The following SLC6A17 variants were observed in gnomAD, a reference collection of about 807,000 sequenced individuals.
The protein encoded by SLC6A17 is sodium-dependent neutral amino acid transporter SLC6A17.
In SLC6A17, 21 loss-of-function variants were observed where a neutral mutation model predicts 64.5. The observed-to-expected ratio is 0.33, with a 90% CI of 0.23 to 0.47. The LOEUF (loss-of-function observed/expected upper bound fraction) is 0.47. SLC6A17 is among the 20% of genes least tolerant of loss of function. The probability of loss-of-function intolerance (pLI) is 1.00; values close to 1 mark genes in which losing one functional copy is unlikely to be tolerated. For missense variants in SLC6A17, 682 were observed against 963.2 expected (o/e 0.71, Z 3.86); for synonymous variants, 372 against 399.5 (o/e 0.93, Z 0.82).
In SLC6A17 at chr1:110,167,027, A is replaced by C; in HGVS notation, c.98A>C (p.Tyr33Ser). The C allele has an allele frequency of 1.2e-6, 2 of 1,613,048 alleles. No homozygotes were observed. Among genetic ancestry groups the C allele is most frequent in the Non-Finnish European group, 1.7e-6 (2 of 1,179,586 alleles). Residue 33 changes from tyrosine to serine, a missense_variant, in exon 2 of 12, where the codon TAT becomes TCT. Coordinates refer to ENST00000331565, the MANE Select transcript of SLC6A17 (RefSeq NM_001010898.4). ...CTGGCCCTCGAGGAGCCTGTGGACTATAAGCAGAGTGTACTGAATGTGGCT... is the reference window on the plus strand; with the variant it reads ...CTGGCCCTCGAGGAGCCTGTGGACTCTAAGCAGAGTGTACTGAATGTGGCT... ...DLLALEEPVDYKQSVLNVAGE... is the reference protein window; with the variant it reads ...DLLALEEPVDSKQSVLNVAGE...
chr1:110,162,540 C>T (rs1655941319), intron 1 of SLC6A17, among the ~76,000 whole-genome samples: 1 of 152,180 alleles, frequency 6.6e-6, no homozygotes, highest in Non-Finnish European at 1.5e-5. Flanking sequence ...ATGGCTGGTT[C>T]CATGAGATAC....
intron 10 of SLC6A17, 132 bp downstream of exon 10, chr1:110,195,877 G>A: frequency 5.3e-6 from 7 of 1,330,756 alleles, no homozygotes; most frequent in Admixed American, 4.4e-5. Flanking sequence ...GGAAACTGAG[G>A]TGTAGTGCAA....
At chr1:110,190,775 G>A (rs982262053) in intron 6 of SLC6A17, among the ~76,000 whole-genome samples, 23 of 152,016 alleles carry the variant, frequency 1.5e-4, no homozygotes, top group African/African-American at 4.4e-4. Context: ...AAGGTCACAG[G>A]GGAAAATGCT....
intron 6 of SLC6A17, among the ~76,000 whole-genome samples, chr1:110,183,585 C>T (rs954639366): frequency 2.6e-5 from 4 of 152,056 alleles, no homozygotes; most frequent in African/African-American, 4.8e-5. Flanking sequence ...ACGCTAAAAA[C>T]GATTGAATTG....
In SLC6A17 at chr1:110,197,556, T is replaced by G. The variant is rs1657003107; in HGVS notation, c.1772T>G (p.Leu591Arg). 1 of 1,611,998 alleles carries G rather than the reference T, an allele frequency of 6.2e-7. No individual in the cohort carries two copies. The highest frequency in any genetic ancestry group is 1.3e-5 in the African/African-American group (1 of 74,796). Reference protein sequence around the residue: ...AVLTTASIIQLGVTPPGYSAW... With the variant: ...AVLTTASIIQRGVTPPGYSAW... ...CTCACCACAGCCAGCATCATCCAGC[T>G]GGGGGTCACGCCCCCGGGCTACAGC... Residue 591 changes from leucine to arginine, a missense_variant, in exon 11 of 12, where the codon CTG (leucine) becomes CGG (arginine). This residue lies in a region of SLC6A17 where 264 missense variants were observed against 339.5 expected (regional missense o/e 0.78). Coordinates refer to ENST00000331565, the MANE Select transcript of SLC6A17 (RefSeq NM_001010898.4).
rs1023588509 is a variant in SLC6A17 at position 110,162,462 on chromosome 1, C to T, written c.-87-4381C>T. On this transcript the variant is annotated intron_variant, in intron 1 of 11. Transcript: ENST00000331565. The stretch of plus-strand genomic sequence containing the variant: ...AAACTGAGATCCGGAGAAGTTAGGG[C>T]AATAGTACCAGTTTGCACGGTAGGT... Among the ~76,000 whole-genome samples, 36 of 152,210 alleles carry T rather than the reference C, an allele frequency of 2.4e-4. 1 individual carries two copies. The highest frequency in any genetic ancestry group is 1.5e-5 in the Non-Finnish European group (1 of 68,032).
chr1:110,186,243 C>T (rs1411850541), intron 6 of SLC6A17, among the ~76,000 whole-genome samples: 1 of 152,012 alleles, frequency 6.6e-6, no homozygotes, highest in Non-Finnish European at 1.5e-5. Context: ...GTGGTATCCT[C>T]CCAGGAGTGG....
In SLC6A17 at chr1:110,198,130, CTCA is replaced by C; in HGVS notation, c.1873_1875del (p.Ile625del). The C allele has an allele frequency of 6.2e-7, 1 of 1,614,084 alleles. No individual in the cohort carries two copies. The highest frequency in any genetic ancestry group is 8.5e-7 in the Non-Finnish European group (1 of 1,180,014). On this transcript the variant is annotated inframe_deletion, in exon 12 of 12. Coordinates refer to ENST00000331565, the MANE Select transcript of SLC6A17 (RefSeq NM_001010898.4). ...CTGGGCCATGGCACTCCTGATCACC[CTCA>C]TCGTCGTGGCGACGCTGCCCATCCC...
intron 5 of SLC6A17, 60 bp downstream of exon 5, chr1:110,175,020 C>T: frequency 6.4e-7 from 1 of 1,557,900 alleles, no homozygotes; most frequent in Middle Eastern, 2.1e-4. Context: ...GCACAGAGGG[C>T]ACAGGGCTAA....
At chr1:110,196,995 C>A (rs1428205053) in intron 10 of SLC6A17, among the ~76,000 whole-genome samples, 1 of 152,184 alleles carries the variant, frequency 6.6e-6, no homozygotes, top group African/African-American at 2.4e-5. Flanking sequence ...GCCTGCCTTC[C>A]AGAATTCTGC....
Position 110,194,566 on chromosome 1 carries a change from A to C in SLC6A17, c.1300-13A>C. 6.2e-7 allele frequency: 1 copy of C among 1,610,052 alleles called. No individual in the cohort carries two copies. The highest frequency in any genetic ancestry group is 8.5e-7 in the Non-Finnish European group (1 of 1,176,752). ...GGTGACCTCACAGGCCCTGCTTTCC[A>C]CCCCACCTTCAGTCCGTGCAGGGCA... On this transcript the variant is annotated splice_polypyrimidine_tract_variant and intron_variant, in intron 8 of 11. Transcript: ENST00000331565.
At position 110,172,471 on chromosome 1, in the gene SLC6A17, A is replaced by G. The variant is rs544064262; in HGVS notation, c.444+254A>G. The stretch of plus-strand genomic sequence containing the variant: ...TTGGTGCTAAGGAGGAAAAGCTGGG[A>G]CATATTCACATGGGGCCGCCTGGGA... On this transcript the variant is annotated intron_variant, in intron 3 of 11. Transcript: ENST00000331565. 1.2e-4 allele frequency: 58 copies of G among 477,642 alleles called. No homozygotes were observed. The East Asian group carries it at 2.1e-3, about 17-fold the overall frequency. 29.6% of individuals were successfully genotyped at this position (477,642 alleles called of 1,614,324 possible). A position where few individuals can be genotyped will look rare whatever the true frequency, so the allele number is the denominator to read the frequency against.
At chr1:110,161,184 T>G (rs1189027130) in intron 1 of SLC6A17, among the ~76,000 whole-genome samples, 2 of 152,164 alleles carry the variant, frequency 1.3e-5, no homozygotes, top group Non-Finnish European at 1.5e-5. Context: ...TAAAAATAAT[T>G]TGTGTCTCTG....
chr1:110,156,491 C>T (rs1264549586), intron 1 of SLC6A17, among the ~76,000 whole-genome samples: 4 of 152,112 alleles, frequency 2.6e-5, no homozygotes, highest in African/African-American at 4.8e-5. Flanking sequence ...TCATGACATG[C>T]AAAAGATTGG....
chr1:110,165,120 C>T (rs1417232120), intron 1 of SLC6A17, among the ~76,000 whole-genome samples: 3 of 152,186 alleles, frequency 2.0e-5, no homozygotes, highest in Admixed American at 6.5e-5. Context: ...AGCCGTTTCT[C>T]TGTTTGCATG....
chr1:110,201,574 G>A lies in SLC6A17; in HGVS notation c.*3130G>A, dbSNP rs1657128556. 6.6e-6 allele frequency: 1 copy of A among 152,220 alleles called. No homozygotes were observed. The highest frequency in any genetic ancestry group is 1.5e-5 in the Non-Finnish European group (1 of 68,052). The allele number at this position is 152,220 out of a possible 1,614,324, so 9.4% of individuals were successfully genotyped here. On this transcript the variant is annotated 3_prime_UTR_variant, in exon 12 of 12. Coordinates refer to ENST00000331565, the MANE Select transcript of SLC6A17 (RefSeq NM_001010898.4). ...ACATGAAGCCCGAGGCCCAGATGGG[G>A]GCTGAACAGGTAGGGCACATCAGTT...
At position 110,200,298 on chromosome 1, in the gene SLC6A17, GTGTT is replaced by G. The variant is rs1657090542; in HGVS notation, c.*1857_*1860del. 3 of 388,572 alleles carry G rather than the reference GTGTT, an allele frequency of 7.7e-6. No homozygotes were observed. Among genetic ancestry groups the G allele is most frequent in the East Asian group, 3.6e-5 (1 of 27,524 alleles). 24.1% of individuals were successfully genotyped at this position (388,572 alleles called of 1,614,324 possible). ...CCTCTGCCCTACCTGTCTTTCCTGAGTGTTTGAGGGGAGAGAGAGACCCACATCT... is the reference window on the plus strand; with the variant it reads ...CCTCTGCCCTACCTGTCTTTCCTGAGTGAGGGGAGAGAGAGACCCACATCT... On this transcript the variant is annotated 3_prime_UTR_variant, in exon 12 of 12. Transcript: ENST00000331565.
chr1:110,165,016 G>A (rs1656006047), intron 1 of SLC6A17, among the ~76,000 whole-genome samples: 1 of 152,194 alleles, frequency 6.6e-6, no homozygotes, highest in African/African-American at 2.4e-5. Context: ...GTGATTGCAG[G>A]CTCCAGAGGG....
rs1289032644 is a variant in SLC6A17 at position 110,201,625 on chromosome 1, C to T, written c.*3181C>T. On this transcript the variant is annotated 3_prime_UTR_variant, in exon 12 of 12. Coordinates refer to ENST00000331565, the MANE Select transcript of SLC6A17 (RefSeq NM_001010898.4). ...AATGCCAGTGAGGTCAGCTTCTGCC[C>T]TCCAGCAATACATGTGCAGGGGTTG... The T allele has an allele frequency of 6.6e-6, 1 of 152,268 alleles. No individual in the cohort carries two copies. Among genetic ancestry groups the T allele is most frequent in the African/African-American group, 2.4e-5 (1 of 41,430 alleles). 9.4% of individuals were successfully genotyped at this position (152,268 alleles called of 1,614,324 possible).
Sources: gnomAD v4.1 joint callset for allele counts (sites outside exome capture counted in the v4.1 genomes callset) on GRCh38, gnomAD v4.1.1 for gene constraint, gnomAD v4.1.1 regional missense constraint, MANE v1.5 for transcripts, NCBI Gene and HGNC (gene_info 2026-07-23, HGNC 2026-07-21) for gene names.